Variants in NALF1 observed in about 807,000 individuals in gnomAD.
NALF1 encodes NALCN channel auxiliary factor 1, also known as family with sequence similarity 155 member A.
NALF1 carries 3 observed loss-of-function variants against 48.4 expected under a neutral mutation model. That is an observed-to-expected ratio of 0.06 (90% CI 0.03 to 0.16). The LOEUF is 0.16. Ranked by LOEUF, NALF1 falls within the 10% of genes least tolerant of loss-of-function variation. The pLI is 1.00. For missense variants in NALF1, 526 were observed against 571.5 expected, an observed-to-expected ratio of 0.92 and a Z score of 0.81; for synonymous variants, 262 against 245.7, an observed-to-expected ratio of 1.07 and a Z score of -0.62.
chr13:107,477,148 G>T (rs1594084059), intron 1 of NALF1, among the ~76,000 whole-genome samples: 1 of 152,016 alleles, frequency 6.6e-6, no homozygotes, highest in South Asian at 2.1e-4. Context: ...GAGACCTCAA[G>T]GAGTCCCATA....
intron 1 of NALF1, among the ~76,000 whole-genome samples, chr13:107,337,043 C>CAAAAA (rs60969406): frequency 8.7e-5 from 10 of 114,812 alleles, no homozygotes; most frequent in East Asian, 2.7e-4. Context: ...TTTCATTCCC[C>CAAAAA]AAAAAAAAAA....
chr13:107,273,007 T>G (rs1881207309), intron 1 of NALF1, among the ~76,000 whole-genome samples: 1 of 152,226 alleles, frequency 6.6e-6, no homozygotes, highest in Non-Finnish European at 1.5e-5. Flanking sequence ...ATATGACATC[T>G]TGGCATTTGA....
intron 1 of NALF1, among the ~76,000 whole-genome samples, chr13:107,413,312 T>C (rs1313561437): frequency 6.6e-6 from 1 of 152,152 alleles, no homozygotes; most frequent in Non-Finnish European, 1.5e-5. Flanking sequence ...GTGCATGCTA[T>C]CTGCTATAAT....
chr13:107,195,471 C>T (rs1216707969), intron 2 of NALF1, among the ~76,000 whole-genome samples: 1 of 152,186 alleles, frequency 6.6e-6, no homozygotes, highest in African/African-American at 2.4e-5. Context: ...AAGGAAATTT[C>T]ATTTCTCTGT....
At chr13:107,844,025 T>A (rs1342257635) in intron 1 of NALF1, among the ~76,000 whole-genome samples, 3 of 152,178 alleles carry the variant, frequency 2.0e-5, no homozygotes, top group Non-Finnish European at 4.4e-5. Context: ...CTTTACTTTC[T>A]GCATAATTAA....
At position 107,399,760 on chromosome 13, in the gene NALF1, G is replaced by A. The variant is rs577059399; in HGVS notation, c.916-189005C>T. ...ACTCTAATTCCCAGCATGGATTTCT[G>A]TTAAAATATCTGTTTAACAGTTCTG... On this transcript the variant is annotated intron_variant, in intron 1 of 2. Transcript: ENST00000375915. Among the ~76,000 whole-genome samples the A allele has an allele frequency of 3.9e-5, 6 of 152,210 alleles. No individual in the cohort carries two copies. In the East Asian group the frequency reaches 1.2e-3, roughly 29 times the overall value.
intron 1 of NALF1, among the ~76,000 whole-genome samples, chr13:107,660,861 G>A (rs1880718996): frequency 2.0e-5 from 3 of 152,066 alleles, no homozygotes. Context: ...AGGGGAGGCT[G>A]TGCCTTGCTG....
intron 1 of NALF1, among the ~76,000 whole-genome samples, chr13:107,550,609 G>A (rs535445522): frequency 1.3e-5 from 2 of 151,990 alleles, no homozygotes; most frequent in East Asian, 3.9e-4. Flanking sequence ...ACCCTTCATT[G>A]TAGCACTTCT....
chr13:107,486,398 C>T (rs1008326626), intron 1 of NALF1, among the ~76,000 whole-genome samples: 3 of 152,070 alleles, frequency 2.0e-5, no homozygotes, highest in East Asian at 1.9e-4. Context: ...AAAGAGTTGC[C>T]GGCAGGTGAA....
chr13:107,274,525 G>A (rs1881240483), intron 1 of NALF1, among the ~76,000 whole-genome samples: 1 of 152,114 alleles, frequency 6.6e-6, no homozygotes, highest in African/African-American at 2.4e-5. Context: ...TCGTACCACT[G>A]CACTCCAGCC....
chr13:107,299,116 T>C (rs1240268399), intron 1 of NALF1, among the ~76,000 whole-genome samples: 1 of 152,190 alleles, frequency 6.6e-6, no homozygotes, highest in Non-Finnish European at 1.5e-5. Context: ...AGCTCTCATC[T>C]GGGTTTTGAC....
At chr13:107,295,551 C>T (rs1194047506) in intron 1 of NALF1, among the ~76,000 whole-genome samples, 1 of 152,154 alleles carries the variant, frequency 6.6e-6, no homozygotes, top group East Asian at 1.9e-4. Context: ...GCCTTCTTCA[C>T]ACTCAGTGAG....
At chr13:107,651,690 T>A (rs1880454675) in intron 1 of NALF1, among the ~76,000 whole-genome samples, 1 of 152,184 alleles carries the variant, frequency 6.6e-6, no homozygotes, top group Admixed American at 6.5e-5. Flanking sequence ...ACCTTCACCT[T>A]CCAGGACTTC....
chr13:107,407,725 T>C (rs1191941935), intron 1 of NALF1, among the ~76,000 whole-genome samples: 1 of 152,122 alleles, frequency 6.6e-6, no homozygotes, highest in Non-Finnish European at 1.5e-5. Context: ...AGCTACCATA[T>C]GATCCAGCAA....
At chr13:107,755,082 A>G (rs1217455300) in intron 1 of NALF1, among the ~76,000 whole-genome samples, 2 of 152,218 alleles carry the variant, frequency 1.3e-5, no homozygotes, top group African/African-American at 2.4e-5. Flanking sequence ...GAAAAACTGC[A>G]AAGGCATAAG....
At chr13:107,697,751 A>G (rs1412969738) in intron 1 of NALF1, among the ~76,000 whole-genome samples, 1 of 152,190 alleles carries the variant, frequency 6.6e-6, no homozygotes, top group African/African-American at 2.4e-5. Flanking sequence ...GAAGTCGCAC[A>G]TAAATTAAAA....
chr13:107,794,469 G>GTT (rs1212463470), intron 1 of NALF1, among the ~76,000 whole-genome samples: 6 of 128,484 alleles, frequency 4.7e-5, no homozygotes, highest in African/African-American at 1.7e-4. Flanking sequence ...CTAGCATGCA[G>GTT]TGTTTTTTTT....
chr13:107,432,913 A>G (rs1485332604), intron 1 of NALF1, among the ~76,000 whole-genome samples: 1 of 152,210 alleles, frequency 6.6e-6, no homozygotes, highest in Non-Finnish European at 1.5e-5. Flanking sequence ...ATGGTAAATT[A>G]GACATTCATC....
chr13:107,304,864 C>T (rs559103059), intron 1 of NALF1, among the ~76,000 whole-genome samples: 1 of 152,322 alleles, frequency 6.6e-6, no homozygotes, highest in Non-Finnish European at 1.5e-5. Flanking sequence ...TGTGAACACA[C>T]TAAAGACCAT....
Sources: gnomAD v4.1 joint callset for allele counts (sites outside exome capture counted in the v4.1 genomes callset) on GRCh38, gnomAD v4.1.1 for gene constraint, MANE v1.5 for transcripts, NCBI Gene and HGNC (gene_info 2026-07-23, HGNC 2026-07-21) for gene names.